NELL1: variants seen among roughly 807,000 people sequenced by gnomAD.
The protein encoded by NELL1 is neural EGFL like 1.
NELL1 carries 76 observed loss-of-function variants against 107.4 expected under a neutral mutation model. The ratio of observed to expected loss-of-function variants is 0.71; its 90% CI spans 0.59 to 0.86. NELL1 has a LOEUF of 0.86. Ranked by LOEUF, NELL1 falls within the 40% of genes least tolerant of loss-of-function variation. The pLI is 0.00. For synonymous variants in NELL1, 353 were observed against 341.2 expected, an observed-to-expected ratio of 1.03 and a Z score of -0.38; for missense variants, 1,024 against 1,005.5, an observed-to-expected ratio of 1.02 and a Z score of -0.25.
At chr11:21,491,693 T>C in intron 15 of NELL1, among the ~76,000 whole-genome samples, 1 of 152,148 alleles carries the variant, frequency 6.6e-6, no homozygotes, top group Non-Finnish European at 1.5e-5. Flanking sequence ...TCTTTTTTGG[T>C]TCCATATGAA....
At chr11:21,250,127 A>T (rs1433326801) in intron 14 of NELL1, among the ~76,000 whole-genome samples, 1 of 152,222 alleles carries the variant, frequency 6.6e-6, no homozygotes, top group Non-Finnish European at 1.5e-5. Context: ...CAAACCAGCA[A>T]CTATTTAAAA....
At position 21,296,067 on chromosome 11, in the gene NELL1, AAG is replaced by A. The variant is rs759322775; in HGVS notation, c.1549+66621_1549+66622del. Among the ~76,000 whole-genome samples, 28 of 152,158 alleles carry A rather than the reference AAG, an allele frequency of 1.8e-4. No homozygotes were observed. The East Asian group carries it at 4.1e-3, about 22-fold the overall frequency. On this transcript the variant is annotated intron_variant, in intron 14 of 19. Coordinates refer to ENST00000357134, the MANE Select transcript of NELL1 (RefSeq NM_006157.5). ...TGTAAATGAATAAATGTTGCCACAA[AAG>A]AGAGAGAAAATATTGTATATGTCTA...
intron 13 of NELL1, among the ~76,000 whole-genome samples, chr11:21,161,874 T>C (rs1856377678): frequency 6.6e-6 from 1 of 151,304 alleles, no homozygotes; most frequent in Admixed American, 6.6e-5. Context: ...ATTTCACATG[T>C]GGCTAATGGC....
chr11:21,273,399 T>A (rs1289785700), intron 14 of NELL1, among the ~76,000 whole-genome samples: 1 of 152,158 alleles, frequency 6.6e-6, no homozygotes, highest in Non-Finnish European at 1.5e-5. Context: ...AATATGGGAC[T>A]ATGTGAAAAG....
At chr11:21,204,940 G>A (rs998290983) in intron 13 of NELL1, among the ~76,000 whole-genome samples, 4 of 152,122 alleles carry the variant, frequency 2.6e-5, no homozygotes, top group Admixed American at 6.5e-5. Context: ...ACCAGCAGAC[G>A]CTGCAGAACA....
intron 12 of NELL1, among the ~76,000 whole-genome samples, chr11:21,044,547 C>G (rs908647329): frequency 6.6e-6 from 1 of 152,010 alleles, no homozygotes; most frequent in Non-Finnish European, 1.5e-5. Flanking sequence ...TTAAGATGAG[C>G]GATACCAGAG....
chr11:21,082,116 C>T (rs1327326883), intron 12 of NELL1, among the ~76,000 whole-genome samples: 2 of 152,130 alleles, frequency 1.3e-5, no homozygotes, highest in African/African-American at 4.8e-5. Context: ...GAATTCTTTA[C>T]AATGGCGATC....
intron 12 of NELL1, among the ~76,000 whole-genome samples, chr11:21,018,597 T>G (rs1294748611): frequency 6.6e-6 from 1 of 152,092 alleles, no homozygotes; most frequent in Admixed American, 6.5e-5. Context: ...TTGTCACTGC[T>G]GTTTCTTTCA....
In NELL1 at chr11:20,947,394, A is replaced by T. The variant is rs553690731; in HGVS notation, c.1130A>T (p.Asp377Val). ...MCPPLNCSEKDHILPENQCCR... is the reference protein window; with the variant it reads ...MCPPLNCSEKVHILPENQCCR... ...CCTCCTTTGAACTGCTCAGAAAAGGATCACATTCTTCCTGAGAATCAGTGC... is the reference window on the plus strand; with the variant it reads ...CCTCCTTTGAACTGCTCAGAAAAGGTTCACATTCTTCCTGAGAATCAGTGC... Residue 377 changes from aspartate to valine, a missense_variant, in exon 11 of 20, where the codon GAT (aspartate) becomes GTT (valine). Asp to Val is a radical substitution (Grantham distance 152, BLOSUM62 -3). Coordinates refer to ENST00000357134, the MANE Select transcript of NELL1 (RefSeq NM_006157.5). 6.2e-7 allele frequency: 1 copy of T among 1,614,088 alleles called. No individual in the cohort carries two copies. The highest frequency in any genetic ancestry group is 2.2e-5 in the East Asian group (1 of 44,882).
chr11:20,704,201 A>G (rs181507536), intron 2 of NELL1, among the ~76,000 whole-genome samples: 6 of 152,286 alleles, frequency 3.9e-5, no homozygotes, highest in Admixed American at 3.9e-4. Context: ...TATTGGGTGC[A>G]TATGTATTTA....
chr11:20,895,591 C>T (rs1849718586), intron 5 of NELL1, among the ~76,000 whole-genome samples: 1 of 150,960 alleles, frequency 6.6e-6, no homozygotes, highest in South Asian at 2.1e-4. Context: ...CTGCAACCTC[C>T]GCCCCTCCAG....
chr11:20,719,664 T>TC (rs1412766201), intron 2 of NELL1, among the ~76,000 whole-genome samples: 4 of 152,184 alleles, frequency 2.6e-5, no homozygotes. Flanking sequence ...CTTGAAAAAC[T>TC]CTGTCAGTCC....
At chr11:20,857,146 G>A (rs998467142) in intron 4 of NELL1, among the ~76,000 whole-genome samples, 2 of 152,162 alleles carry the variant, frequency 1.3e-5, no homozygotes, top group East Asian at 1.9e-4. Context: ...GCTGTTGGCC[G>A]TATAAGGGAG....
In NELL1 at chr11:20,784,586, G is replaced by A. The variant is rs1052837603; in HGVS notation, c.335+756G>A. On this transcript the variant is annotated intron_variant, in intron 3 of 19. Coordinates refer to ENST00000357134, the MANE Select transcript of NELL1 (RefSeq NM_006157.5). The stretch of plus-strand genomic sequence containing the variant: ...AGAGGTAGGTAGAAGCCAGATCATC[G>A]CAAAGCTTCAATGCCATGTTAAAAA... Among the ~76,000 whole-genome samples, 7 of 152,280 alleles carry A rather than the reference G, an allele frequency of 4.6e-5. 1 individual carries two copies. In the South Asian group the frequency reaches 1.2e-3, roughly 27 times the overall value.
At chr11:21,446,670 G>A (rs1853440791) in intron 15 of NELL1, among the ~76,000 whole-genome samples, 1 of 152,210 alleles carries the variant, frequency 6.6e-6, no homozygotes, top group African/African-American at 2.4e-5. Context: ...TGAGCTGACT[G>A]GAGCTGAGTT....
rs191719324 is a variant in NELL1 at position 21,076,531 on chromosome 11, A to C, written c.1301-37058A>C. On this transcript the variant is annotated intron_variant, in intron 12 of 19. Coordinates refer to ENST00000357134, the MANE Select transcript of NELL1 (RefSeq NM_006157.5). ...ACAAAAATCCTTCTCAGACTCACAG[A>C]GCCAGGCAGTGGAGGTAAGAGAATA... 4.1e-3 allele frequency among the ~76,000 whole-genome samples: 626 copies of C among 152,326 alleles called. 9 individuals are homozygous for C. The highest frequency in any genetic ancestry group is 0.014 in the African/African-American group (592 of 41,584).
intron 3 of NELL1, among the ~76,000 whole-genome samples, chr11:20,838,094 T>C (rs747739531): frequency 6.6e-6 from 1 of 151,846 alleles, no homozygotes; most frequent in Non-Finnish European, 1.5e-5. Flanking sequence ...TGATGTCATG[T>C]AGTAGAATGC....
intron 3 of NELL1, among the ~76,000 whole-genome samples, chr11:20,825,603 T>C (rs541864644): frequency 6.6e-6 from 1 of 151,526 alleles, no homozygotes; most frequent in Admixed American, 6.6e-5. Context: ...TTGTTTTTGC[T>C]AATTTCTCCC....
At chr11:21,365,804 T>G (rs1851205734) in intron 14 of NELL1, among the ~76,000 whole-genome samples, 1 of 150,194 alleles carries the variant, frequency 6.7e-6, no homozygotes. Context: ...TTAAACTATT[T>G]TGGGGGAGAG....
Sources: allele counts gnomAD v4.1 joint callset (sites outside exome capture counted in the v4.1 genomes callset), GRCh38; gene constraint gnomAD v4.1.1; transcripts MANE v1.5; gene names NCBI Gene and HGNC (gene_info 2026-07-23, HGNC 2026-07-21).